Variants in SHISA6 observed in about 807,000 individuals in gnomAD.
SHISA6 encodes the protein protein shisa-6.
A neutral mutation model predicts 47.9 loss-of-function variants in SHISA6; 22 were observed. That is an observed-to-expected ratio of 0.46 (90% CI 0.33 to 0.66). The LOEUF (loss-of-function observed/expected upper bound fraction) is 0.66, where lower values mean the gene tolerates loss of function less well. Ranked by LOEUF, SHISA6 falls within the 30% of genes least tolerant of loss-of-function variation. The pLI is 0.02. For synonymous variants in SHISA6, 388 were observed against 337.8 expected (o/e 1.15, Z -1.63); for missense variants, 680 against 764.6 (o/e 0.89, Z 1.30).
chr17:11,379,402 A>T lies in SHISA6; in HGVS notation c.800-12A>T, dbSNP rs1230100764. 2 of 1,533,554 alleles carry T rather than the reference A, an allele frequency of 1.3e-6. No homozygotes were observed. Among genetic ancestry groups the T allele is most frequent in the Non-Finnish European group, 1.8e-6 (2 of 1,137,680 alleles). 95.0% of individuals were successfully genotyped at this position (1,533,554 alleles called of 1,614,324 possible). On this transcript the variant is annotated splice_polypyrimidine_tract_variant and intron_variant, in intron 2 of 5. Coordinates refer to ENST00000441885, the MANE Select transcript of SHISA6 (RefSeq NM_207386.4). ...TGGATGCGCCAGGTAATTCTGCCCC[A>T]TCTTCTTGCAGGGCATTATGGGAAG...
intron 2 of SHISA6, among the ~76,000 whole-genome samples, chr17:11,374,116 G>C (rs1419924597): frequency 6.6e-6 from 1 of 152,058 alleles, no homozygotes; most frequent in Non-Finnish European, 1.5e-5. Context: ...CCTCATTATG[G>C]TTTTAATTTG....
chr17:11,246,687 A>G (rs1907606593), intron 1 of SHISA6, among the ~76,000 whole-genome samples: 2 of 152,164 alleles, frequency 1.3e-5, no homozygotes, highest in Non-Finnish European at 2.9e-5. Context: ...CCCTGCCTTC[A>G]TGTGCCACAG....
intron 3 of SHISA6, among the ~76,000 whole-genome samples, chr17:11,483,904 C>T (rs905131485): frequency 6.6e-6 from 1 of 152,096 alleles, no homozygotes; most frequent in Non-Finnish European, 1.5e-5. Flanking sequence ...TGCAGTGAAC[C>T]GTGATCACAC....
At chr17:11,525,638 A>AAAAG (rs2071670385) in intron 3 of SHISA6, among the ~76,000 whole-genome samples, 1 of 93,524 alleles carries the variant, frequency 1.1e-5, no homozygotes, top group East Asian at 3.3e-4. Context: ...TCTCAAAAAA[A>AAAAG]AAAAAAAAAA....
intron 2 of SHISA6, among the ~76,000 whole-genome samples, chr17:11,280,007 G>A (rs1270483765): frequency 6.6e-6 from 1 of 152,188 alleles, no homozygotes; most frequent in Non-Finnish European, 1.5e-5. Context: ...GTGGGCTCGA[G>A]TGAGTCAAAA....
chr17:11,336,403 G>A (rs1338861158), intron 2 of SHISA6, among the ~76,000 whole-genome samples: 2 of 152,008 alleles, frequency 1.3e-5, no homozygotes, highest in Non-Finnish European at 2.9e-5. Flanking sequence ...AGAGAGAGAA[G>A]AGAGGGTGGG....
rs76511417 is a variant in SHISA6, at chr17:11,284,021, C to T, written c.799+20495C>T. On this transcript the variant is annotated intron_variant, in intron 2 of 5. Coordinates refer to ENST00000441885, the MANE Select transcript of SHISA6 (RefSeq NM_207386.4). ...AAATTCTTACACTTCACAGGAAAGC[C>T]TCCATTAGAAAACTGACTCTAATAC... Among the ~76,000 whole-genome samples the T allele has an allele frequency of 6.8e-3, 1,030 of 152,156 alleles. 10 individuals are homozygous for T. The highest frequency in any genetic ancestry group is 0.024 in the African/African-American group (990 of 41,478).
chr17:11,499,858 C>A (rs569871561), intron 3 of SHISA6, among the ~76,000 whole-genome samples: 1 of 152,002 alleles, frequency 6.6e-6, no homozygotes. Flanking sequence ...TGTGCCACCA[C>A]ACCCAGCTAA....
chr17:11,490,818 C>T (rs1916456801), intron 3 of SHISA6, among the ~76,000 whole-genome samples: 1 of 152,236 alleles, frequency 6.6e-6, no homozygotes, highest in Admixed American at 6.5e-5. Context: ...GAATGCTCAT[C>T]TATAGGAGAT....
chr17:11,369,323 T>C (rs1912550407), intron 2 of SHISA6, among the ~76,000 whole-genome samples: 1 of 152,230 alleles, frequency 6.6e-6, no homozygotes, highest in Non-Finnish European at 1.5e-5. Flanking sequence ...AATGTCAATA[T>C]TTTCTTCACA....
At chr17:11,292,775 G>A (rs1323415251) in intron 2 of SHISA6, among the ~76,000 whole-genome samples, 3 of 151,664 alleles carry the variant, frequency 2.0e-5, no homozygotes, top group Non-Finnish European at 4.4e-5. Context: ...AATTCCCCAA[G>A]CAGTGAGAAG....
intron 3 of SHISA6, among the ~76,000 whole-genome samples, chr17:11,410,721 T>C (rs1161591892): frequency 1.3e-5 from 2 of 152,154 alleles, no homozygotes; most frequent in Non-Finnish European, 2.9e-5. Flanking sequence ...TAGTAGGTTG[T>C]CAAAGTGTGG....
chr17:11,319,251 G>A (rs547950290), intron 2 of SHISA6, among the ~76,000 whole-genome samples: 1 of 152,002 alleles, frequency 6.6e-6, no homozygotes, highest in East Asian at 1.9e-4. Flanking sequence ...GCTAATTTTT[G>A]TATTTTTAGT....
chr17:11,509,596 T>A (rs1305778915), intron 3 of SHISA6, among the ~76,000 whole-genome samples: 1 of 152,194 alleles, frequency 6.6e-6, no homozygotes, highest in Non-Finnish European at 1.5e-5. Flanking sequence ...CGAACCACCT[T>A]GGCCTCCCAG....
Position 11,551,666 on chromosome 17 carries a change from G to A in SHISA6, c.896-230G>A, listed in dbSNP as rs1013629667. On this transcript the variant is annotated intron_variant, in intron 3 of 5. Transcript: ENST00000441885. ...CTCTATAACTAGTTGGCCTCATCCC[G>A]AGATGTGGGTGGGTCACCATGGTGA... Among the ~76,000 whole-genome samples, 8 of 152,074 alleles carry A rather than the reference G, an allele frequency of 5.3e-5. 1 individual carries two copies. Among genetic ancestry groups the A allele is most frequent in the Admixed American group, 2.6e-4 (4 of 15,274 alleles).
chr17:11,394,998 C>CTTTT (rs772109588), intron 3 of SHISA6, among the ~76,000 whole-genome samples: 288 of 95,040 alleles, frequency 3.0e-3, no homozygotes, highest in Non-Finnish European at 3.6e-3. Flanking sequence ...TTTTTCTTTT[C>CTTTT]TTTTTTTTTT....
At chr17:11,283,709 A>G (rs999071597) in intron 2 of SHISA6, among the ~76,000 whole-genome samples, 2 of 152,224 alleles carry the variant, frequency 1.3e-5, no homozygotes, top group African/African-American at 4.8e-5. Context: ...AGCCACCTTT[A>G]TTGTTGGAAC....
chr17:11,382,651 C>T (rs1245323646), intron 3 of SHISA6, among the ~76,000 whole-genome samples: 1 of 152,202 alleles, frequency 6.6e-6, no homozygotes, highest in Non-Finnish European at 1.5e-5. Context: ...TCTGGATCCT[C>T]TTCCTTTATT....
chr17:11,343,825 A>G (rs558018387), intron 2 of SHISA6, among the ~76,000 whole-genome samples: 3 of 152,350 alleles, frequency 2.0e-5, no homozygotes, highest in Admixed American at 1.3e-4. Flanking sequence ...TGGAGCATAA[A>G]AAGTGATCAG....
Sources: allele counts gnomAD v4.1 joint callset (sites outside exome capture counted in the v4.1 genomes callset), GRCh38; gene constraint gnomAD v4.1.1; transcripts MANE v1.5; gene names NCBI Gene and HGNC (gene_info 2026-07-23, HGNC 2026-07-21).